The following SYN3 variants were observed in gnomAD, a reference collection of about 807,000 sequenced individuals.
The protein encoded by SYN3 is synapsin III.
A neutral mutation model predicts 65.8 loss-of-function variants in SYN3; 35 were observed. That is an observed-to-expected ratio of 0.53 (90% CI 0.41 to 0.70). The LOEUF is 0.70. Among genes scored for constraint, SYN3 ranks in the 30% least tolerant of loss-of-function variants. The pLI is 0.00. For missense variants in SYN3, 680 were observed against 749.0 expected, an observed-to-expected ratio of 0.91 and a Z score of 1.08; for synonymous variants, 270 against 292.9, an observed-to-expected ratio of 0.92 and a Z score of 0.80.
chr22:33,022,326 G>A lies in SYN3; in HGVS notation c.-162-15502C>T, dbSNP rs965812075. 1.9e-4 allele frequency among the ~76,000 whole-genome samples: 29 copies of A among 152,220 alleles called. 1 individual carries two copies. The highest frequency in any genetic ancestry group is 7.0e-4 in the African/African-American group (29 of 41,444). ...GCATAGGCAGTGAAGTCTAGGGACAGGCTGAGAACTCCGTAGACTGTGTCA... is the reference window on the plus strand; with the variant it reads ...GCATAGGCAGTGAAGTCTAGGGACAAGCTGAGAACTCCGTAGACTGTGTCA... On this transcript the variant is annotated intron_variant, in intron 1 of 13. Transcript: ENST00000358763.
intron 6 of SYN3, among the ~76,000 whole-genome samples, chr22:32,765,014 T>C (rs1395387677): frequency 7.9e-6 from 1 of 127,152 alleles, no homozygotes; most frequent in East Asian, 2.7e-4. Context: ...GGCCCCATCC[T>C]GCGCCCCCAC....
rs375105854 is a variant in SYN3 at position 32,628,665 on chromosome 22, T to C, written c.712-31929A>G. Reference sequence around the variant, plus strand: ...CCGGAGGCTGAGGCAGGAGAACTGCTTGAACCTAGGAGGCAGAGGTTGCAG... The same window carrying C: ...CCGGAGGCTGAGGCAGGAGAACTGCCTGAACCTAGGAGGCAGAGGTTGCAG... On this transcript the variant is annotated intron_variant, in intron 6 of 13. Coordinates refer to ENST00000358763, the MANE Select transcript of SYN3 (RefSeq NM_003490.4). Among the ~76,000 whole-genome samples the C allele has an allele frequency of 1.1e-4, 17 of 152,112 alleles. 1 individual carries two copies. Among genetic ancestry groups the C allele is most frequent in the Middle Eastern group, 3.4e-3 (1 of 294 alleles).
At chr22:32,894,247 A>G (rs1349532683) in intron 4 of SYN3, among the ~76,000 whole-genome samples, 1 of 152,208 alleles carries the variant, frequency 6.6e-6, no homozygotes, top group Admixed American at 6.5e-5. Flanking sequence ...AGAGAATAAA[A>G]TGTCCTTCTC....
Position 32,837,839 on chromosome 22 carries a change from C to T in SYN3, c.711+27076G>A, listed in dbSNP as rs922854675. Among the ~76,000 whole-genome samples, 13 of 152,190 alleles carry T rather than the reference C, an allele frequency of 8.5e-5. No homozygotes were observed. Among genetic ancestry groups the T allele is most frequent in the African/African-American group, 3.1e-4 (13 of 41,446 alleles). The stretch of plus-strand genomic sequence containing the variant: ...ACCTACCAAGCTGGGAGTTACCGCC[C>T]ACTGCAAGGCACCCCTGTACTTTGT... On this transcript the variant is annotated intron_variant, in intron 6 of 13. Coordinates refer to ENST00000358763, the MANE Select transcript of SYN3 (RefSeq NM_003490.4). The surrounding 1 kb of genome is among the most constrained non-coding windows in gnomAD (Gnocchi z 4.1).
At chr22:32,764,991 C>T (rs1489905116) in intron 6 of SYN3, among the ~76,000 whole-genome samples, 1 of 151,720 alleles carries the variant, frequency 6.6e-6, no homozygotes, top group Non-Finnish European at 1.5e-5. Flanking sequence ...CCCCCACCCT[C>T]TTGTCCTTCC....
At chr22:32,533,461 G>T (rs747352515) in intron 10 of SYN3, among the ~76,000 whole-genome samples, 20 of 152,140 alleles carry the variant, frequency 1.3e-4, no homozygotes, top group Non-Finnish European at 2.1e-4. Context: ...CACATGCTTG[G>T]ACACTGGGGA....
intron 6 of SYN3, among the ~76,000 whole-genome samples, chr22:32,781,816 A>C (rs1050963419): frequency 6.6e-6 from 1 of 151,988 alleles, no homozygotes; most frequent in African/African-American, 2.4e-5. Context: ...TCTTGGGCAC[A>C]GAGAATTGGA....
chr22:32,518,236 A>G lies in SYN3; in HGVS notation c.1417T>C (p.Ser473Pro). 1 of 1,613,340 alleles carries G rather than the reference A, an allele frequency of 6.2e-7. No individual in the cohort carries two copies. The part of the protein sequence containing the change: ...PQGQQPLSPQ[S>P]GSPQQQRSPG... ...GACCTTTGCTGCTGTGGAGATCCGG[A>G]CTGGGGGCTCAGGGGCTGCTGGCCT... is the stretch of plus-strand genomic sequence containing the variant. The change falls in exon 13 of 14, where the codon TCC (serine) becomes CCC (proline). Residue 473 changes from serine (S) to proline (P), a missense_variant. Coordinates refer to ENST00000358763, the MANE Select transcript of SYN3 (RefSeq NM_003490.4).
chr22:32,554,639 T>C (rs559942452), intron 7 of SYN3, among the ~76,000 whole-genome samples: 35 of 152,186 alleles, frequency 2.3e-4, no homozygotes, highest in African/African-American at 8.2e-4. Flanking sequence ...AAATAGCCAA[T>C]CGGAATTAGC....
chr22:32,751,373 A>T (rs1041690047), intron 6 of SYN3, among the ~76,000 whole-genome samples: 1 of 152,166 alleles, frequency 6.6e-6, no homozygotes, highest in Non-Finnish European at 1.5e-5. Context: ...ATTCCAGGGG[A>T]AAGGCGAAAG....
intron 6 of SYN3, among the ~76,000 whole-genome samples, chr22:32,631,203 A>G (rs538556587): frequency 2.9e-3 from 443 of 151,912 alleles, no homozygotes; most frequent in Middle Eastern, 0.02. Flanking sequence ...GCTGAGGCAG[A>G]AGAATTGCTT....
chr22:32,878,989 C>A (rs1383059091), intron 4 of SYN3, among the ~76,000 whole-genome samples: 4 of 152,034 alleles, frequency 2.6e-5, no homozygotes, highest in Non-Finnish European at 5.9e-5. Context: ...TAAATGTTGA[C>A]AATGCACTTA....
chr22:32,522,535 G>A (rs1312122346), intron 12 of SYN3, among the ~76,000 whole-genome samples: 1 of 152,150 alleles, frequency 6.6e-6, no homozygotes, highest in African/African-American at 2.4e-5. Context: ...TGTAGTTTCG[G>A]AACACTTATT....
chr22:32,878,177 A>G (rs1212520289), intron 4 of SYN3, among the ~76,000 whole-genome samples: 1 of 152,066 alleles, frequency 6.6e-6, no homozygotes, highest in Non-Finnish European at 1.5e-5. Context: ...CTCCAACTCA[A>G]TGTGACTGGA....
intron 7 of SYN3, among the ~76,000 whole-genome samples, chr22:32,591,378 C>G (rs992123214): frequency 6.6e-6 from 1 of 152,162 alleles, no homozygotes; most frequent in Non-Finnish European, 1.5e-5. Flanking sequence ...AAAAGGACAA[C>G]CATCTCAATA....
At chr22:32,760,404 TTCTCGAAGTGGGATGAAGGGGAGTGACA>T (rs1226746645) in intron 6 of SYN3, among the ~76,000 whole-genome samples, 2 of 152,044 alleles carry the variant, frequency 1.3e-5, no homozygotes. Flanking sequence ...CTAAATCTCG[TTCTCGAAGTGGGATGAAGGGGAGTGACA>T]TCCCACACAT....
intron 6 of SYN3, among the ~76,000 whole-genome samples, chr22:32,722,264 A>C (rs1426078656): frequency 6.6e-6 from 1 of 152,172 alleles, no homozygotes; most frequent in East Asian, 1.9e-4. Flanking sequence ...GGGTTGCCTA[A>C]GTAGACTAAA....
chr22:32,940,560 G>A (rs77306803), intron 3 of SYN3, among the ~76,000 whole-genome samples: 2,208 of 152,228 alleles, frequency 0.015, 32 homozygotes, highest in Middle Eastern at 0.027. Context: ...AGGTAGGACC[G>A]AAGGTTCAAT....
At chr22:32,977,501 G>T (rs241728) in intron 3 of SYN3, among the ~76,000 whole-genome samples, 113,813 of 151,786 alleles carry the variant, frequency 0.75, 43,675 homozygotes, top group African/African-American at 0.91. Context: ...ATCCCAGCAC[G>T]TTGGGAGGCC....
Sources: gnomAD v4.1 joint callset for allele counts (sites outside exome capture counted in the v4.1 genomes callset) on GRCh38, gnomAD v4.1.1 for gene constraint, Gnocchi (gnomAD v3.1) non-coding constraint, MANE v1.5 for transcripts, NCBI Gene and HGNC (gene_info 2026-07-23, HGNC 2026-07-21) for gene names.